Variants in ADRA1A observed in about 807,000 individuals in gnomAD.
The protein encoded by ADRA1A is adrenoceptor alpha 1A, also known as alpha-1A adrenergic receptor.
In ADRA1A, 31 loss-of-function variants were observed where a neutral mutation model predicts 29.6. The ratio of observed to expected loss-of-function variants is 1.05; its 90% CI spans 0.79 to 1.41. ADRA1A has a LOEUF of 1.41. ADRA1A is among the 40% of genes most tolerant of loss of function. The probability of loss-of-function intolerance (pLI) is 0.00; values close to 1 mark genes in which losing one functional copy is unlikely to be tolerated. For synonymous variants in ADRA1A, 311 were observed against 254.3 expected (o/e 1.22, Z -2.12); for missense variants, 619 against 601.1 (o/e 1.03, Z -0.31).
intron 2 of ADRA1A, among the ~76,000 whole-genome samples, chr8:26,776,986 G>A (rs1010495802): frequency 2.0e-5 from 3 of 152,172 alleles, no homozygotes; most frequent in Admixed American, 1.3e-4. Flanking sequence ...AGGAGCTCCA[G>A]TGCCAGTAAC....
intron 2 of ADRA1A, among the ~76,000 whole-genome samples, chr8:26,758,131 A>T (rs1805300819): frequency 6.6e-6 from 1 of 152,180 alleles, no homozygotes; most frequent in Non-Finnish European, 1.5e-5. Flanking sequence ...CCCAAAGAAA[A>T]TAGTGTGGTG....
At chr8:26,765,036 GA>G (rs749378603), downstream of ADRA1A, among the ~76,000 whole-genome samples, 3 of 152,278 alleles carry the variant, frequency 2.0e-5, no homozygotes, top group Non-Finnish European at 4.4e-5. Flanking sequence ...TTTGTCTTTT[GA>G]AATGAATAAG....
chr8:26,761,045 G>A (rs963812834), downstream of ADRA1A, among the ~76,000 whole-genome samples: 5 of 152,174 alleles, frequency 3.3e-5, no homozygotes, highest in African/African-American at 1.2e-4. Flanking sequence ...GTACTGTCAT[G>A]GGCATGCTAA....
chr8:26,765,966 A>G, downstream of ADRA1A: 2 of 1,581,834 alleles, frequency 1.3e-6, no homozygotes, highest in Non-Finnish European at 8.6e-7. Flanking sequence ...TTCACTTAGG[A>G]ACAAGCGATG....
chr8:26,858,329 C>T (rs1422050404), intron 2 of ADRA1A, among the ~76,000 whole-genome samples: 1 of 152,214 alleles, frequency 6.6e-6, no homozygotes, highest in Non-Finnish European at 1.5e-5. Context: ...TTTTCATCTT[C>T]TTTCCAATGC....
chr8:26,762,827 G>A (rs145097926), downstream of ADRA1A, among the ~76,000 whole-genome samples: 7 of 152,100 alleles, frequency 4.6e-5, no homozygotes, highest in Admixed American at 2.0e-4. This position sits in a 1 kb window ranked among gnomAD's most constrained non-coding sequence, Gnocchi z 4.0. Context: ...TGTGAACACC[G>A]TGCCCTCGGC....
At chr8:26,761,260 G>A (rs1042848250), downstream of ADRA1A, among the ~76,000 whole-genome samples, 1 of 152,140 alleles carries the variant, frequency 6.6e-6, no homozygotes, top group African/African-American at 2.4e-5. Context: ...AGAGAAATTG[G>A]GATGATCAGA....
downstream of ADRA1A, chr8:26,766,151 T>C (rs1277654517): frequency 1.3e-6 from 2 of 1,596,614 alleles, no homozygotes; most frequent in South Asian, 1.1e-5. Flanking sequence ...CATTCCCCTC[T>C]GTCCAAACAA....
chr8:26,864,209 T>A lies in ADRA1A; in HGVS notation c.761A>T (p.Lys254Met). ...GAGGAGCCTCACTGAGAAGTGCGTC[T>A]TGGTCTTGGCGCTGGCCATCCCGCT... is the stretch of plus-strand genomic sequence containing the variant. ...GGSGMASAKT[K>M]THFSVRLLKF... Residue 254 changes from lysine (K) to methionine (M), a missense_variant, in exon 2 of 3, where the codon AAG becomes ATG. Coordinates refer to ENST00000380573, the MANE Select transcript of ADRA1A (RefSeq NM_000680.4). This position sits in a 1 kb window ranked among gnomAD's most constrained non-coding sequence, Gnocchi z 8.1. 1 of 1,614,188 alleles carries A rather than the reference T, an allele frequency of 6.2e-7. No homozygotes were observed. Among genetic ancestry groups the A allele is most frequent in the Non-Finnish European group, 8.5e-7 (1 of 1,180,034 alleles).
At chr8:26,834,980 A>G (rs142632072) in intron 2 of ADRA1A, among the ~76,000 whole-genome samples, 1,545 of 152,336 alleles carry the variant, frequency 0.01, 9 homozygotes, top group Non-Finnish European at 0.017. Flanking sequence ...TTTTAAGTGT[A>G]TGAAAAATAA....
rs774916687 is a variant in ADRA1A at position 26,864,912 on chromosome 8, G to A, written c.58C>T (p.Pro20Ser). The A allele has an allele frequency of 1.9e-6, 3 of 1,613,680 alleles. No individual in the cohort carries two copies. Among genetic ancestry groups the A allele is most frequent in the Admixed American group, 1.7e-5 (1 of 60,028 alleles). Residue 20 changes from proline (P) to serine (S), a missense_variant, in exon 2 of 3, where the codon CCG (proline) becomes TCG (serine). By Grantham distance (74) the Pro-to-Ser change is moderately conservative (BLOSUM62 -1). Transcript: ENST00000380573. The surrounding 1 kb of genome is among the most constrained non-coding windows in gnomAD (Gnocchi z 8.1). ...AGAATGGCCTTGGAAATGTTCACCG[G>A]TGCCGGCGGTTGGGTGCAGTTGGAG... ...DSSNCTQPPA[P>S]VNISKAILLG...
downstream of ADRA1A, among the ~76,000 whole-genome samples, chr8:26,754,422 A>G (rs144265774): frequency 1.6e-3 from 245 of 152,198 alleles, no homozygotes; most frequent in African/African-American, 5.7e-3. Flanking sequence ...ACCAAATACC[A>G]AACCTGGAGA....
rs1423069289 is a variant in ADRA1A, at chr8:26,775,454, T to C, written c.884-4788A>G. ...ATCTGGCATCAGACCCTCTAGTTTT[T>C]CTCATGATGCTTCATAGGAAGAGCC... On this transcript the variant is annotated intron_variant, in intron 2 of 2. Transcript: ENST00000380573. This position sits in a 1 kb window ranked among gnomAD's most constrained non-coding sequence, Gnocchi z 4.1. 6.6e-6 allele frequency among the ~76,000 whole-genome samples: 1 copy of C among 152,178 alleles called. No individual in the cohort carries two copies. The highest frequency in any genetic ancestry group is 2.4e-5 in the African/African-American group (1 of 41,432).
intron 2 of ADRA1A, among the ~76,000 whole-genome samples, chr8:26,842,226 G>A (rs1419598837): frequency 6.6e-6 from 1 of 152,134 alleles, no homozygotes; most frequent in Non-Finnish European, 1.5e-5. Context: ...TAGCCTGACT[G>A]CAAAACTGAA....
At chr8:26,861,532 T>C (rs1046188283) in intron 2 of ADRA1A, among the ~76,000 whole-genome samples, 5 of 152,128 alleles carry the variant, frequency 3.3e-5, no homozygotes, top group Admixed American at 2.0e-4. Context: ...AAGATGTTGA[T>C]ATATCCCAAG....
At chr8:26,751,016 C>G (rs1435337149) in intron 2 of ADRA1A, among the ~76,000 whole-genome samples, 1 of 151,666 alleles carries the variant, frequency 6.6e-6, no homozygotes, top group East Asian at 1.9e-4. Flanking sequence ...TTGTGGAGAG[C>G]CGAGATTGTG....
rs555670585 is a variant in ADRA1A, at chr8:26,864,498, A to G, written c.472T>C (p.Ser158Pro). 1 of 1,613,738 alleles carries G rather than the reference A, an allele frequency of 6.2e-7. No individual in the cohort carries two copies. Among genetic ancestry groups the G allele is most frequent in the Non-Finnish European group, 8.5e-7 (1 of 1,180,004 alleles). ...CTCCAGCCGAACAGGGGTCCAATGGATATGACCAGGGAGAGTGCCCAGACG... is the reference window on the plus strand; with the variant it reads ...CTCCAGCCGAACAGGGGTCCAATGGGTATGACCAGGGAGAGTGCCCAGACG... ...LCVWALSLVI[S>P]IGPLFGWRQP... is the part of the protein sequence containing the mutation. Residue 158 changes from serine (S) to proline (P), a missense_variant, in exon 2 of 3, where the codon TCC (serine) becomes CCC (proline). Transcript: ENST00000380573. The surrounding 1 kb of genome is among the most constrained non-coding windows in gnomAD (Gnocchi z 8.1).
chr8:26,811,190 C>CTT (rs1226269478), intron 2 of ADRA1A, among the ~76,000 whole-genome samples: 3,165 of 142,452 alleles, frequency 0.022, 61 homozygotes, highest in Middle Eastern at 0.051. Flanking sequence ...AGCTTTCTTT[C>CTT]TTTTCTTTTT....
intron 2 of ADRA1A, among the ~76,000 whole-genome samples, chr8:26,837,982 A>G (rs1811512548): frequency 6.6e-6 from 1 of 152,248 alleles, no homozygotes; most frequent in African/African-American, 2.4e-5. Context: ...GCAATGTACA[A>G]CCAGGACAAT....
Sources: allele counts gnomAD v4.1 joint callset (sites outside exome capture counted in the v4.1 genomes callset), GRCh38; gene constraint gnomAD v4.1.1; non-coding constraint Gnocchi (gnomAD v3.1); transcripts MANE v1.5; gene names NCBI Gene and HGNC (gene_info 2026-07-23, HGNC 2026-07-21).